Variants in CERT1 observed in about 807,000 individuals in gnomAD.
The protein encoded by CERT1 is ceramide transfer protein.
A neutral mutation model predicts 87.9 loss-of-function variants in CERT1; 31 were observed. That is an observed-to-expected ratio of 0.35 (90% CI 0.27 to 0.48). CERT1 has a LOEUF of 0.48. CERT1 is among the 20% of genes least tolerant of loss of function. The pLI, the probability that CERT1 is intolerant of heterozygous loss-of-function variation, is 0.99. For missense variants in CERT1, 487 were observed against 758.0 expected (o/e 0.64, Z 4.20); for synonymous variants, 289 against 250.9 (o/e 1.15, Z -1.44).
chr5:75,379,267 C>A lies in CERT1; in HGVS notation c.*79G>T. 1 of 1,268,958 alleles carries A rather than the reference C, an allele frequency of 7.9e-7. No homozygotes were observed. 78.6% of individuals were successfully genotyped at this position (1,268,958 alleles called of 1,614,324 possible). A position where few individuals can be genotyped will look rare whatever the true frequency, so the allele number is the denominator to read the frequency against. ...AAAACATAGTAAATACTTTCAACAA[C>A]TAAATTTTAGTATTGACAGTCATAT... On this transcript the variant is annotated 3_prime_UTR_variant, in exon 17 of 17. Coordinates refer to ENST00000643780, the MANE Select transcript of CERT1 (RefSeq NM_001379029.1).
intron 8 of CERT1, among the ~76,000 whole-genome samples, chr5:75,404,115 T>C (rs887787286): frequency 1.5e-4 from 23 of 152,184 alleles, no homozygotes; most frequent in African/African-American, 4.8e-4. Context: ...CAAGTCATCA[T>C]TAGTCCATTA....
intron 11 of CERT1, among the ~76,000 whole-genome samples, chr5:75,393,447 C>A (rs1406994259): frequency 6.6e-6 from 1 of 150,862 alleles, no homozygotes; most frequent in Non-Finnish European, 1.5e-5. Context: ...ACACTATTAC[C>A]CAGAAATTTG....
In CERT1 at chr5:75,490,820, T is replaced by G. The variant is rs375148981; in HGVS notation, c.231+15162A>C. ...GCCTAAATTTTCATTTGACTCTATT[T>G]TCAGTATCTGGTAACTTTTTTTCTT... On this transcript the variant is annotated intron_variant, in intron 2 of 16. Transcript: ENST00000643780. Among the ~76,000 whole-genome samples the G allele has an allele frequency of 7.2e-4, 110 of 152,288 alleles. 1 individual carries two copies. Among genetic ancestry groups the G allele is most frequent in the African/African-American group, 2.6e-3 (107 of 41,556 alleles).
At chr5:75,376,810 T>G (rs1327589645), downstream of CERT1, 1 of 152,226 alleles carries the variant, frequency 6.6e-6, no homozygotes, top group African/African-American at 2.4e-5. Flanking sequence ...ATATCCCTTA[T>G]GTTAGTATGG....
At chr5:75,463,151 C>T (rs1473378489) in intron 2 of CERT1, among the ~76,000 whole-genome samples, 1 of 152,004 alleles carries the variant, frequency 6.6e-6, no homozygotes, top group Non-Finnish European at 1.5e-5. Context: ...CAGAAAGACA[C>T]ACTATGCCCA....
At chr5:75,371,894 C>T (rs1404651766) in intron 17 of CERT1, 1 of 152,142 alleles carries the variant, frequency 6.6e-6, no homozygotes, top group East Asian at 1.9e-4. Flanking sequence ...TCCAGAAGGC[C>T]AGTACCTCTC....
At chr5:75,469,725 T>G (rs1026825133) in intron 2 of CERT1, among the ~76,000 whole-genome samples, 1 of 152,076 alleles carries the variant, frequency 6.6e-6, no homozygotes, top group Non-Finnish European at 1.5e-5. Flanking sequence ...CCCTTATCTA[T>G]CAATACATAA....
At chr5:75,416,417 C>T (rs1763137463) in intron 7 of CERT1, among the ~76,000 whole-genome samples, 1 of 152,096 alleles carries the variant, frequency 6.6e-6, no homozygotes, top group Non-Finnish European at 1.5e-5. Context: ...AAAATGTGAA[C>T]ATAGGGCAAA....
At chr5:75,488,886 T>C (rs1216935891) in intron 2 of CERT1, among the ~76,000 whole-genome samples, 2 of 152,178 alleles carry the variant, frequency 1.3e-5, no homozygotes, top group Non-Finnish European at 2.9e-5. Flanking sequence ...TCCTTGATTA[T>C]GGTTTTAAAT....
Position 75,436,600 on chromosome 5 carries a change from A to C in CERT1, c.349-10122T>G, listed in dbSNP as rs192431839. ...GAATCTCTCTGTAACAGATGAAAATATAAGGTATTTCAGAAGTTACTTAGA... is the reference window on the plus strand; with the variant it reads ...GAATCTCTCTGTAACAGATGAAAATCTAAGGTATTTCAGAAGTTACTTAGA... On this transcript the variant is annotated intron_variant, in intron 3 of 16. Coordinates refer to ENST00000643780, the MANE Select transcript of CERT1 (RefSeq NM_001379029.1). Among the ~76,000 whole-genome samples, 9 of 152,306 alleles carry C rather than the reference A, an allele frequency of 5.9e-5. No individual in the cohort carries two copies. In the East Asian group the frequency reaches 1.5e-3, roughly 26 times the overall value.
intron 5 of CERT1, 144 bp downstream of exon 5, chr5:75,425,217 G>A (rs1763561119): frequency 1.5e-6 from 1 of 670,098 alleles, no homozygotes; most frequent in Non-Finnish European, 2.5e-6. Flanking sequence ...AAGTTACAAG[G>A]ACACTGAAAT....
chr5:75,430,204 C>G (rs1763809724), intron 3 of CERT1, among the ~76,000 whole-genome samples: 1 of 152,188 alleles, frequency 6.6e-6, no homozygotes, highest in Admixed American at 6.5e-5. Context: ...AAAATGGTCA[C>G]ACTTTTTAAT....
intron 11 of CERT1, among the ~76,000 whole-genome samples, chr5:75,390,216 A>G (rs984108625): frequency 6.6e-6 from 1 of 152,188 alleles, no homozygotes; most frequent in African/African-American, 2.4e-5. Context: ...ATATATATGT[A>G]TATGTCAAAG....
At chr5:75,393,747 C>T (rs899146128) in intron 11 of CERT1, among the ~76,000 whole-genome samples, 2 of 151,562 alleles carry the variant, frequency 1.3e-5, no homozygotes, top group East Asian at 2.0e-4. Context: ...ACGCGGACCA[C>T]GAGGTCAAGA....
At chr5:75,434,752 C>A (rs1186781320) in intron 3 of CERT1, among the ~76,000 whole-genome samples, 1 of 151,862 alleles carries the variant, frequency 6.6e-6, no homozygotes, top group African/African-American at 2.4e-5. Flanking sequence ...AGGAATTCAC[C>A]TATTTCTAGG....
intron 2 of CERT1, 142 bp from the exon 3 acceptor site, chr5:75,459,323 C>G: frequency 1.7e-6 from 1 of 599,612 alleles, no homozygotes; most frequent in Admixed American, 2.8e-5. Flanking sequence ...AATAACTTGT[C>G]TGAAGATAAG....
At chr5:75,397,787 G>A (rs768921602) in intron 11 of CERT1, among the ~76,000 whole-genome samples, 2 of 152,136 alleles carry the variant, frequency 1.3e-5, no homozygotes, top group African/African-American at 2.4e-5. Context: ...TTGGGAGGCC[G>A]AGGTGGGCAG....
intron 9 of CERT1, chr5:75,401,063 T>G (rs1339818442): frequency 6.6e-6 from 1 of 152,234 alleles, no homozygotes; most frequent in Admixed American, 6.5e-5. Flanking sequence ...GGAAATGATC[T>G]AAATCTATGG....
At chr5:75,471,298 C>T (rs903889536) in intron 2 of CERT1, among the ~76,000 whole-genome samples, 1 of 152,164 alleles carries the variant, frequency 6.6e-6, no homozygotes, top group African/African-American at 2.4e-5. Context: ...ACCTGGACAG[C>T]ATGTTACTCT....
Sources: allele counts gnomAD v4.1 joint callset (sites outside exome capture counted in the v4.1 genomes callset), GRCh38; gene constraint gnomAD v4.1.1; transcripts MANE v1.5; gene names NCBI Gene and HGNC (gene_info 2026-07-23, HGNC 2026-07-21).